SYN3: variants seen among roughly 807,000 people sequenced by gnomAD.
The protein encoded by SYN3 is synapsin III.
A neutral mutation model predicts 65.8 loss-of-function variants in SYN3; 35 were observed. The ratio of observed to expected loss-of-function variants is 0.53; its 90% CI spans 0.41 to 0.70. SYN3 has a LOEUF of 0.70. Ranked by LOEUF, SYN3 falls within the 30% of genes least tolerant of loss-of-function variation. The probability of loss-of-function intolerance (pLI) is 0.00; values close to 1 mark genes in which losing one functional copy is unlikely to be tolerated. For missense variants in SYN3, 680 were observed against 749.0 expected (o/e 0.91, Z 1.08); for synonymous variants, 270 against 292.9 (o/e 0.92, Z 0.80).
intron 6 of SYN3, among the ~76,000 whole-genome samples, chr22:32,679,839 C>CTTTTTTTT (rs747116076): frequency 0.038 from 1,502 of 39,078 alleles, 218 homozygotes; most frequent in Non-Finnish European, 0.051. Context: ...TGTTTTTTGG[C>CTTTTTTTT]TTTTTTTTTT....
intron 7 of SYN3, among the ~76,000 whole-genome samples, chr22:32,561,093 T>C (rs1219886757): frequency 6.6e-6 from 1 of 152,186 alleles, no homozygotes; most frequent in Non-Finnish European, 1.5e-5. Flanking sequence ...ATCAGAGTCC[T>C]TGTGGACAGC....
chr22:33,044,770 T>G (rs1364091762), intron 1 of SYN3, among the ~76,000 whole-genome samples: 1 of 151,932 alleles, frequency 6.6e-6, no homozygotes, highest in Non-Finnish European at 1.5e-5. Flanking sequence ...TGGTGCTTGC[T>G]AACTACAGGT....
At chr22:33,010,883 A>C (rs925594731) in intron 1 of SYN3, among the ~76,000 whole-genome samples, 1 of 152,090 alleles carries the variant, frequency 6.6e-6, no homozygotes, top group Admixed American at 6.5e-5. Flanking sequence ...TTAAAATGAC[A>C]CTGTTTTCTA....
chr22:33,036,678 C>CTTTTTT lies in SYN3; in HGVS notation c.-163+21608_-163+21613dup, dbSNP rs133977. ...TTTTAAATGCTGTAAAGCCCAAGTT[C>CTTTTTT]TTTTTTTTTTTTTTTTTTTTTTTTT... On this transcript the variant is annotated intron_variant, in intron 1 of 13. Transcript: ENST00000358763. 9.0e-5 allele frequency among the ~76,000 whole-genome samples: 9 copies of CTTTTTT among 99,528 alleles called. 1 individual carries two copies. The highest frequency in any genetic ancestry group is 1.4e-4 in the African/African-American group (3 of 21,322). 65.3% of individuals were successfully genotyped at this position (99,528 alleles called of 152,430 possible).
intron 6 of SYN3, among the ~76,000 whole-genome samples, chr22:32,743,745 C>A (rs1051689133): frequency 5.3e-5 from 8 of 152,118 alleles, no homozygotes; most frequent in African/African-American, 1.9e-4. Context: ...CATCTCCTCC[C>A]TCTCCTGTTC....
intron 6 of SYN3, among the ~76,000 whole-genome samples, chr22:32,745,632 GGCACCTCCAA>G (rs2044909760): frequency 6.6e-6 from 1 of 152,174 alleles, no homozygotes; most frequent in Non-Finnish European, 1.5e-5. Flanking sequence ...AAAGGTATTT[GGCACCTCCAA>G]GTACCTGCAG....
chr22:32,536,984 C>CAACATGGCCTGCAGTAGGTACTCA (rs2058176474), intron 9 of SYN3, among the ~76,000 whole-genome samples: 1 of 152,146 alleles, frequency 6.6e-6, no homozygotes, highest in Non-Finnish European at 1.5e-5. Context: ...GCGCTCAGCA[C>CAACATGGCCTGCAGTAGGTACTCA]AACATGGCCT....
At chr22:32,914,318 C>A (rs530628862) in intron 4 of SYN3, among the ~76,000 whole-genome samples, 1 of 152,162 alleles carries the variant, frequency 6.6e-6, no homozygotes, top group African/African-American at 2.4e-5. Context: ...AATAAGCCAG[C>A]CTGGATTTAA....
At chr22:33,007,347 T>C (rs1052022065) in intron 1 of SYN3, among the ~76,000 whole-genome samples, 8 of 152,220 alleles carry the variant, frequency 5.3e-5, no homozygotes, top group African/African-American at 1.9e-4. Context: ...ACAGTGATTA[T>C]ATTTTGGTAA....
intron 6 of SYN3, among the ~76,000 whole-genome samples, chr22:32,856,949 C>T (rs2048386190): frequency 6.6e-6 from 1 of 152,216 alleles, no homozygotes; most frequent in East Asian, 1.9e-4. Context: ...CTTAGCAAAA[C>T]GACCTCCAGT....
intron 13 of SYN3, among the ~76,000 whole-genome samples, chr22:32,515,120 G>C (rs2057750556): frequency 6.6e-6 from 1 of 152,192 alleles, no homozygotes; most frequent in African/African-American, 2.4e-5. Context: ...CACAGAGTAG[G>C]TAAATTCAGT....
At chr22:32,776,216 G>A (rs1432724401) in intron 6 of SYN3, among the ~76,000 whole-genome samples, 2 of 152,112 alleles carry the variant, frequency 1.3e-5, no homozygotes, top group South Asian at 2.1e-4. Context: ...CAACCCTGGC[G>A]ACACCCTTTT....
rs990507867 is a variant in SYN3 at position 32,508,515 on chromosome 22, G to A, written c.*5177C>T. Among the ~76,000 whole-genome samples the A allele has an allele frequency of 3.9e-5, 6 of 152,106 alleles. No individual in the cohort carries two copies. The highest frequency in any genetic ancestry group is 1.4e-4 in the African/African-American group (6 of 41,412). ...AGACGCGCATGAAAGGGGCCCCAAG[G>A]AGAGGTCTCATGTTCTCATTCTGCC... On this transcript the variant is annotated 3_prime_UTR_variant, in exon 14 of 14. Coordinates refer to ENST00000358763, the MANE Select transcript of SYN3 (RefSeq NM_003490.4).
intron 6 of SYN3, among the ~76,000 whole-genome samples, chr22:32,831,608 C>A (rs1364041759): frequency 6.6e-6 from 1 of 152,190 alleles, no homozygotes. Flanking sequence ...AAGGCAGAAG[C>A]CCTTATCTTC....
chr22:32,553,707 C>A (rs1421501157), intron 7 of SYN3, among the ~76,000 whole-genome samples: 3 of 152,250 alleles, frequency 2.0e-5, no homozygotes, highest in African/African-American at 7.2e-5. Context: ...CCTACTCTGG[C>A]CTTTTGGTAG....
At chr22:32,768,821 C>A (rs1260509297) in intron 6 of SYN3, among the ~76,000 whole-genome samples, 2 of 152,160 alleles carry the variant, frequency 1.3e-5, no homozygotes. Flanking sequence ...ATGTCCTTCT[C>A]CTCTAGATTC....
In SYN3 at chr22:32,881,437, C is replaced by T. The variant is rs1241942366; in HGVS notation, c.462-12312G>A. Among the ~76,000 whole-genome samples, 6 of 152,288 alleles carry T rather than the reference C, an allele frequency of 3.9e-5. 1 individual carries two copies. Among genetic ancestry groups the T allele is most frequent in the South Asian group, 2.1e-4 (1 of 4,822 alleles). The stretch of plus-strand genomic sequence containing the variant: ...TAGTCAGAGGGCTCACTTATCAGCT[C>T]GCTCAGCAGGAAATATCTGCCTGGT... On this transcript the variant is annotated intron_variant, in intron 4 of 13. Transcript: ENST00000358763.
chr22:32,604,518 C>A (rs1478614810), intron 6 of SYN3, among the ~76,000 whole-genome samples: 1 of 110,348 alleles, frequency 9.1e-6, no homozygotes, highest in Non-Finnish European at 1.9e-5. Context: ...AATCCCGTCT[C>A]ATACTCATGT....
rs142236008 is a variant in SYN3, at chr22:32,514,083, G to C, written c.1611-259C>G. ...TAACTTGCTCCGGTCCTCACAGCAA[G>C]TAATGGGGGAGCACCCAGAGGCCAC... is the stretch of plus-strand genomic sequence containing the variant. On this transcript the variant is annotated intron_variant, in intron 13 of 13. Coordinates refer to ENST00000358763, the MANE Select transcript of SYN3 (RefSeq NM_003490.4). Among the ~76,000 whole-genome samples, 472 of 152,318 alleles carry C rather than the reference G, an allele frequency of 3.1e-3. 2 individuals are homozygous for C. Among genetic ancestry groups the C allele is most frequent in the African/African-American group, 9.9e-3 (413 of 41,578 alleles).
Sources: gnomAD v4.1 joint callset for allele counts (sites outside exome capture counted in the v4.1 genomes callset) on GRCh38, gnomAD v4.1.1 for gene constraint, MANE v1.5 for transcripts, NCBI Gene and HGNC (gene_info 2026-07-23, HGNC 2026-07-21) for gene names.